The following CCDC138 variants were observed in gnomAD, a reference collection of about 807,000 sequenced individuals.
CCDC138 encodes coiled-coil domain containing 138.
CCDC138 carries 66 observed loss-of-function variants against 82.3 expected under a neutral mutation model. That is an observed-to-expected ratio of 0.80 (90% CI 0.66 to 0.98). The LOEUF (loss-of-function observed/expected upper bound fraction) is 0.98, where lower values mean the gene tolerates loss of function less well. Among genes scored for constraint, CCDC138 ranks in the 50% least tolerant of loss-of-function variants. CCDC138 has a pLI of 0.00. For synonymous variants in CCDC138, 297 were observed against 265.4 expected (o/e 1.12, Z -1.16); for missense variants, 816 against 758.9 (o/e 1.08, Z -0.88).
intron 9 of CCDC138, among the ~76,000 whole-genome samples, chr2:108,815,461 G>T (rs376647157): frequency 7.2e-4 from 51 of 70,738 alleles, no homozygotes; most frequent in South Asian, 2.0e-3. Context: ...GGTTTTTGGT[G>T]TTTTTTTTTT....
intron 4 of CCDC138, among the ~76,000 whole-genome samples, chr2:108,792,464 A>C (rs1053776495): frequency 2.0e-5 from 3 of 152,190 alleles, no homozygotes; most frequent in Non-Finnish European, 4.4e-5. Flanking sequence ...TATTCCATTA[A>C]AAGTAATGGC....
At position 108,873,457 on chromosome 2, in the gene CCDC138, T is replaced by TG; in HGVS notation, c.1701dup (p.Gln568AlafsTer8). On this transcript the variant is annotated frameshift_variant, in exon 14 of 15. Transcript: ENST00000295124. LOFTEE classifies it high-confidence loss of function. The stretch of plus-strand genomic sequence containing the variant: ...CTGTTGATTTGTTTTGCAGAATCCT[T>TG]GCAGCCTTTCCTGGAAGCCTGTAGC... 1 of 1,596,394 alleles carries TG rather than the reference T, an allele frequency of 6.3e-7. No homozygotes were observed. Among genetic ancestry groups the TG allele is most frequent in the African/African-American group, 1.3e-5 (1 of 74,244 alleles).
At chr2:108,821,022 A>AG (rs1685604271) in intron 10 of CCDC138, among the ~76,000 whole-genome samples, 1 of 151,908 alleles carries the variant, frequency 6.6e-6, no homozygotes. Flanking sequence ...AAGTATTAAA[A>AG]AAAACTGTAA....
chr2:108,838,091 C>T (rs1407395442), intron 10 of CCDC138, among the ~76,000 whole-genome samples: 1 of 151,980 alleles, frequency 6.6e-6, no homozygotes, highest in African/African-American at 2.4e-5. Context: ...GTACTAAGCT[C>T]TAGGGGTGGT....
chr2:108,800,030 A>G (rs541850256), intron 6 of CCDC138, among the ~76,000 whole-genome samples: 1 of 152,172 alleles, frequency 6.6e-6, no homozygotes, highest in African/African-American at 2.4e-5. Flanking sequence ...CTTTTACCTC[A>G]TGGAGCATAG....
intron 11 of CCDC138, among the ~76,000 whole-genome samples, chr2:108,843,151 G>C (rs545042862): frequency 6.6e-6 from 1 of 151,574 alleles, no homozygotes; most frequent in East Asian, 1.9e-4. Context: ...CTGTTCTTTA[G>C]AGTAGTTATT....
At chr2:108,796,910 T>C (rs992752494) in intron 5 of CCDC138, among the ~76,000 whole-genome samples, 4 of 152,190 alleles carry the variant, frequency 2.6e-5, no homozygotes, top group African/African-American at 9.7e-5. Flanking sequence ...ACTAGTACAA[T>C]AGGGAAATTA....
At chr2:108,861,641 T>C (rs111360902) in intron 13 of CCDC138, among the ~76,000 whole-genome samples, 3 of 151,942 alleles carry the variant, frequency 2.0e-5, no homozygotes, top group African/African-American at 7.2e-5. Flanking sequence ...CCGCCACACC[T>C]AGCTAATTTT....
Position 108,870,461 on chromosome 2 carries a change from A to T in CCDC138, c.1694-2990A>T, listed in dbSNP as rs148369093. Among the ~76,000 whole-genome samples, 3 of 152,298 alleles carry T rather than the reference A, an allele frequency of 2.0e-5. No homozygotes were observed. In the East Asian group the frequency reaches 5.8e-4, roughly 29 times the overall value. Reference sequence around the variant, plus strand: ...ATAATTTAGAGAAATAATAGCTGAAAACTTATCAAATTTGAGGAAAGACAC... The same window carrying T: ...ATAATTTAGAGAAATAATAGCTGAATACTTATCAAATTTGAGGAAAGACAC... On this transcript the variant is annotated intron_variant, in intron 13 of 14. Coordinates refer to ENST00000295124, the MANE Select transcript of CCDC138 (RefSeq NM_144978.3).
intron 10 of CCDC138, among the ~76,000 whole-genome samples, chr2:108,826,970 A>G (rs564834684): frequency 6.6e-6 from 1 of 152,310 alleles, no homozygotes; most frequent in East Asian, 1.9e-4. Context: ...TTGAAAAGTT[A>G]GTTTCACAGT....
chr2:108,839,458 C>A (rs1455513567), intron 11 of CCDC138, among the ~76,000 whole-genome samples, 157 bp downstream of exon 11: 3 of 152,072 alleles, frequency 2.0e-5, no homozygotes, highest in Non-Finnish European at 4.4e-5. Context: ...TTGTGTTAAA[C>A]CTGTATATTA....
At chr2:108,865,468 C>T (rs1694275777) in intron 13 of CCDC138, among the ~76,000 whole-genome samples, 1 of 152,146 alleles carries the variant, frequency 6.6e-6, no homozygotes, top group Non-Finnish European at 1.5e-5. Context: ...TTTTCCTTGA[C>T]ATTCTCTGTT....
intron 10 of CCDC138, among the ~76,000 whole-genome samples, chr2:108,830,305 A>AT (rs1687338137): frequency 6.6e-6 from 1 of 152,174 alleles, no homozygotes; most frequent in African/African-American, 2.4e-5. Context: ...TCATTTTGGC[A>AT]TTTTGCAAAA....
intron 11 of CCDC138, among the ~76,000 whole-genome samples, chr2:108,840,023 A>G (rs1317574146): frequency 6.6e-6 from 1 of 152,040 alleles, no homozygotes; most frequent in Non-Finnish European, 1.5e-5. Context: ...CTTTCAATCA[A>G]GTTCCCCTGT....
intron 9 of CCDC138, 40 bp downstream of exon 9, chr2:108,812,967 C>G (rs777353480): frequency 6.4e-7 from 1 of 1,573,124 alleles, no homozygotes; most frequent in African/African-American, 1.3e-5. Flanking sequence ...GAAAATTTCT[C>G]GGCTGGGTAC....
In CCDC138 at chr2:108,792,502, C is replaced by T. The variant is rs116655443; in HGVS notation, c.394+700C>T. ...AAGCCACAATGACTTTTGCACCAAC[C>T]TCATATTTGAAAGTAGACAAAATTA... On this transcript the variant is annotated intron_variant, in intron 4 of 14. Coordinates refer to ENST00000295124, the MANE Select transcript of CCDC138 (RefSeq NM_144978.3). 4.3e-3 allele frequency among the ~76,000 whole-genome samples: 649 copies of T among 152,250 alleles called. 6 individuals are homozygous for T. Among genetic ancestry groups the T allele is most frequent in the Middle Eastern group, 0.02 (6 of 294 alleles).
chr2:108,818,207 G>A (rs1040812958), intron 10 of CCDC138, among the ~76,000 whole-genome samples: 2 of 152,134 alleles, frequency 1.3e-5, no homozygotes, highest in Middle Eastern at 3.2e-3. Flanking sequence ...CTGGGAGGCT[G>A]AGGTGGTAGG....
At chr2:108,845,058 T>C (rs1161668291) in intron 11 of CCDC138, among the ~76,000 whole-genome samples, 1 of 152,122 alleles carries the variant, frequency 6.6e-6, no homozygotes, top group Non-Finnish European at 1.5e-5. Flanking sequence ...CATTTTTTTT[T>C]CAAGTTTATT....
chr2:108,881,893 C>T (rs1558784290), intron 1 of CCDC138, among the ~76,000 whole-genome samples: 1 of 152,140 alleles, frequency 6.6e-6, no homozygotes, highest in African/African-American at 2.4e-5. Flanking sequence ...CTTGTAACCC[C>T]AGCACTTTGG....
Sources: gnomAD v4.1 joint callset for allele counts (sites outside exome capture counted in the v4.1 genomes callset) on GRCh38, gnomAD v4.1.1 for gene constraint, MANE v1.5 for transcripts, NCBI Gene and HGNC (gene_info 2026-07-23, HGNC 2026-07-21) for gene names.